The following NLN variants were observed in gnomAD, a reference collection of about 807,000 sequenced individuals.
NLN encodes neurolysin, also known as neurolysin, mitochondrial.
A neutral mutation model predicts 79.9 loss-of-function variants in NLN; 64 were observed. The observed-to-expected ratio is 0.80, with a 90% CI of 0.65 to 0.99. NLN has a LOEUF of 0.99. Ranked by LOEUF, NLN falls within the 50% of genes least tolerant of loss-of-function variation. The pLI is 0.00. For synonymous variants in NLN, 267 were observed against 296.6 expected (o/e 0.90, Z 1.02); for missense variants, 835 against 858.7 (o/e 0.97, Z 0.34).
intron 1 of NLN, among the ~76,000 whole-genome samples, chr5:65,743,034 C>A (rs1274043610): frequency 1.3e-5 from 2 of 152,104 alleles, no homozygotes; most frequent in African/African-American, 4.8e-5. Context: ...CCACATTTGC[C>A]AAGAAATACA....
chr5:65,722,359 C>T lies in NLN; in HGVS notation c.-15C>T. On this transcript the variant is annotated 5_prime_UTR_variant, in exon 1 of 13. Transcript: ENST00000380985. ...AGGACCACGCGCCCGCCGCCGCCAGCCTCTCAGCGCTCCCATGATCGCCCG... is the reference window on the plus strand; with the variant it reads ...AGGACCACGCGCCCGCCGCCGCCAGTCTCTCAGCGCTCCCATGATCGCCCG... The T allele has an allele frequency of 1.3e-6, 2 of 1,564,766 alleles. No homozygotes were observed.
In NLN at chr5:65,722,303, C is replaced by G. The variant is rs1758322978; in HGVS notation, c.-71C>G. 22 of 1,318,640 alleles carry G rather than the reference C, an allele frequency of 1.7e-5. No individual in the cohort carries two copies. The South Asian group carries it at 2.9e-4, about 18-fold the overall frequency. The allele number at this position is 1,318,640 out of a possible 1,614,324, so 81.7% of individuals were successfully genotyped here. On this transcript the variant is annotated 5_prime_UTR_variant, in exon 1 of 13. Transcript: ENST00000380985. ...GGCTCGAGACTCCCGGGCGCCCAGG[C>G]GCTGCCGCCCGCCTCGCCGCCCCAC...
At chr5:65,761,819 A>G (rs1759346688) in intron 2 of NLN, among the ~76,000 whole-genome samples, 5 of 152,136 alleles carry the variant, frequency 3.3e-5, no homozygotes, top group Admixed American at 3.3e-4. Context: ...TATTTGTAAC[A>G]ATGTTTTAGG....
chr5:65,781,226 G>C, intron 5 of NLN, 35 bp from the exon 6 acceptor site: 1 of 1,521,268 alleles, frequency 6.6e-7, no homozygotes, highest in East Asian at 2.3e-5. Flanking sequence ...GCAATGAGTG[G>C]AAAATTTGAT....
intron 6 of NLN, among the ~76,000 whole-genome samples, chr5:65,782,301 T>A (rs1759818701): frequency 6.6e-6 from 1 of 152,182 alleles, no homozygotes; most frequent in Non-Finnish European, 1.5e-5. Context: ...TCAGGTAGAA[T>A]CCCAAGGGTT....
At chr5:65,737,897 GGGGT>G (rs919875976) in intron 1 of NLN, among the ~76,000 whole-genome samples, 1 of 152,148 alleles carries the variant, frequency 6.6e-6, no homozygotes, top group African/African-American at 2.4e-5. Context: ...TTGGGAGGCT[GGGGT>G]GGGTGGACCA....
chr5:65,740,870 C>CTT (rs35913094), intron 1 of NLN: 27 of 126,724 alleles, frequency 2.1e-4, no homozygotes, highest in South Asian at 4.7e-4. Context: ...ATACGTAATT[C>CTT]TTTTTTTTTT....
At chr5:65,803,648 G>C (rs899614886) in intron 9 of NLN, among the ~76,000 whole-genome samples, 4 of 151,864 alleles carry the variant, frequency 2.6e-5, no homozygotes, top group Non-Finnish European at 4.4e-5. Flanking sequence ...GCCCAGGTCT[G>C]CATCTATGGC....
At chr5:65,769,676 A>G (rs770228115) in intron 3 of NLN, among the ~76,000 whole-genome samples, 1 of 152,210 alleles carries the variant, frequency 6.6e-6, no homozygotes, top group Non-Finnish European at 1.5e-5. Context: ...ACTGCCTTAC[A>G]TTTGTGTAGC....
In NLN at chr5:65,824,448, T is replaced by G. The variant is rs1760873805; in HGVS notation, c.*1533T>G. 1 of 152,114 alleles carries G rather than the reference T, an allele frequency of 6.6e-6. No individual in the cohort carries two copies. Among genetic ancestry groups the G allele is most frequent in the Non-Finnish European group, 1.5e-5 (1 of 68,042 alleles). The allele number at this position is 152,114 out of a possible 1,614,324, so 9.4% of individuals were successfully genotyped here. A position where few individuals can be genotyped will look rare whatever the true frequency, so the allele number is the denominator to read the frequency against. On this transcript the variant is annotated 3_prime_UTR_variant, in exon 13 of 13. Coordinates refer to ENST00000380985, the MANE Select transcript of NLN (RefSeq NM_020726.5). ...AGCCCTTCTCTTCCCACACACTCACTCAATGTCACCCCCTTCTAATCCCCA... is the reference window on the plus strand; with the variant it reads ...AGCCCTTCTCTTCCCACACACTCACGCAATGTCACCCCCTTCTAATCCCCA...
intron 2 of NLN, among the ~76,000 whole-genome samples, chr5:65,762,066 G>A (rs567585796): frequency 3.9e-5 from 6 of 152,086 alleles, no homozygotes; most frequent in Non-Finnish European, 7.4e-5. Context: ...CCCAATTAAA[G>A]TTAAAATACA....
chr5:65,746,043 A>G (rs966558267), intron 1 of NLN, among the ~76,000 whole-genome samples: 2 of 152,154 alleles, frequency 1.3e-5, no homozygotes, highest in Admixed American at 6.5e-5. Context: ...GCAGTTGGTC[A>G]TATGGGTCTA....
intron 1 of NLN, among the ~76,000 whole-genome samples, chr5:65,748,412 C>T (rs917300311): frequency 6.6e-6 from 1 of 152,078 alleles, no homozygotes; most frequent in African/African-American, 2.4e-5. Flanking sequence ...AGGAGCATCT[C>T]CAAGTGGTGG....
chr5:65,748,228 T>C (rs1391623083), intron 1 of NLN, among the ~76,000 whole-genome samples: 2 of 151,830 alleles, frequency 1.3e-5, no homozygotes, highest in African/African-American at 4.8e-5. Context: ...ACAGCAGTCA[T>C]CCAGGTCGAA....
intron 1 of NLN, among the ~76,000 whole-genome samples, chr5:65,749,359 T>C (rs1759054536): frequency 6.6e-6 from 1 of 152,194 alleles, no homozygotes; most frequent in African/African-American, 2.4e-5. Flanking sequence ...AGTAATGATT[T>C]GGACAGCCCT....
At chr5:65,800,107 G>A (rs1760251395) in intron 9 of NLN, among the ~76,000 whole-genome samples, 1 of 152,128 alleles carries the variant, frequency 6.6e-6, no homozygotes, top group South Asian at 2.1e-4. Context: ...TTCAGCAACT[G>A]CCTTTTCTTT....
Position 65,827,553 on chromosome 5 carries a change from G to C in NLN, c.*4638G>C, listed in dbSNP as rs1169965315. 6.6e-6 allele frequency: 1 copy of C among 152,142 alleles called. No homozygotes were observed. The highest frequency in any genetic ancestry group is 2.4e-5 in the African/African-American group (1 of 41,430). The allele number at this position is 152,142 out of a possible 1,614,324, so 9.4% of individuals were successfully genotyped here. ...ATGTGACTGGATAATAGTTATCCAG[G>C]TGGATTACTAGCTATTGAAACAGTC... On this transcript the variant is annotated 3_prime_UTR_variant, in exon 13 of 13. Coordinates refer to ENST00000380985, the MANE Select transcript of NLN (RefSeq NM_020726.5).
rs1391261741 is a variant in NLN at position 65,826,901 on chromosome 5, TAAAA to T, written c.*3987_*3990del. On this transcript the variant is annotated 3_prime_UTR_variant, in exon 13 of 13. Transcript: ENST00000380985. ...AGCCTGGGTGACAGAGACCCTGTCT[TAAAA>T]TAAAATAAAAAAAAAAGGAAAAGGA... 1 of 151,260 alleles carries T rather than the reference TAAAA, an allele frequency of 6.6e-6. No individual in the cohort carries two copies. Among genetic ancestry groups the T allele is most frequent in the African/African-American group, 2.4e-5 (1 of 40,944 alleles). The allele number at this position is 151,260 out of a possible 1,614,324, so 9.4% of individuals were successfully genotyped here. A position where few individuals can be genotyped will look rare whatever the true frequency, so the allele number is the denominator to read the frequency against.
Position 65,823,004 on chromosome 5 carries a change from A to C in NLN, c.*89A>C. ...CCTGGAAACTGAAGGGAGTTTTGCA[A>C]GTGAAAATTTAGATTTCTATTGACA... is the stretch of plus-strand genomic sequence containing the variant. On this transcript the variant is annotated 3_prime_UTR_variant, in exon 13 of 13. Coordinates refer to ENST00000380985, the MANE Select transcript of NLN (RefSeq NM_020726.5). 1 of 1,049,942 alleles carries C rather than the reference A, an allele frequency of 9.5e-7. No homozygotes were observed. Among genetic ancestry groups the C allele is most frequent in the Non-Finnish European group, 1.4e-6 (1 of 705,810 alleles). The allele number at this position is 1,049,942 out of a possible 1,614,324, so 65.0% of individuals were successfully genotyped here.
Sources: allele counts gnomAD v4.1 joint callset (sites outside exome capture counted in the v4.1 genomes callset), GRCh38; gene constraint gnomAD v4.1.1; transcripts MANE v1.5; gene names NCBI Gene and HGNC (gene_info 2026-07-23, HGNC 2026-07-21).